Variants in CUL3 observed in about 807,000 individuals in gnomAD.
CUL3 encodes cullin 3.
In CUL3, 19 loss-of-function variants were observed where a neutral mutation model predicts 89.1. The observed-to-expected ratio is 0.21, with a 90% CI of 0.15 to 0.31. CUL3 has a LOEUF of 0.31. Ranked by LOEUF, CUL3 falls within the 10% of genes least tolerant of loss-of-function variation. The pLI is 1.00. For missense variants in CUL3, 469 were observed against 942.3 expected, an observed-to-expected ratio of 0.50 and a Z score of 6.58; for synonymous variants, 351 against 308.4, an observed-to-expected ratio of 1.14 and a Z score of -1.45.
intron 3 of CUL3, among the ~76,000 whole-genome samples, chr2:224,531,619 T>C (rs1305421454): frequency 6.6e-6 from 1 of 152,076 alleles, no homozygotes; most frequent in Non-Finnish European, 1.5e-5. Context: ...GTGATAAATG[T>C]TGCAAAGGAA....
chr2:224,492,831 C>T (rs1692035070), intron 13 of CUL3, among the ~76,000 whole-genome samples: 1 of 152,182 alleles, frequency 6.6e-6, no homozygotes, highest in South Asian at 2.1e-4. Context: ...AGTGACACTA[C>T]ATGTCTTCCA....
chr2:224,536,318 C>A (rs907510571), intron 2 of CUL3, among the ~76,000 whole-genome samples: 1 of 152,188 alleles, frequency 6.6e-6, no homozygotes, highest in East Asian at 1.9e-4. Flanking sequence ...TCACATGGCT[C>A]GTCCCACTCA....
At chr2:224,584,623 A>G (rs1695530017) in intron 1 of CUL3, among the ~76,000 whole-genome samples, 1 of 151,672 alleles carries the variant, frequency 6.6e-6, no homozygotes, top group South Asian at 2.1e-4. Context: ...CTGGGCCTAC[A>G]ACCCCGGCAA....
Position 224,503,638 on chromosome 2 carries a change from A to C in CUL3, c.1377+14T>G. 6.4e-7 allele frequency: 1 copy of C among 1,556,926 alleles called. No homozygotes were observed. The highest frequency in any genetic ancestry group is 2.0e-5 in the Admixed American group (1 of 49,366). On this transcript the variant is annotated intron_variant, in intron 9 of 15. Transcript: ENST00000264414. ...CAGTTAGGTGCACTCTATTTCATCT[A>C]AAACACACCTTACCTTTAACTTAGA...
rs1417199555 is a variant in CUL3 at position 224,559,389 on chromosome 2, T to C, written c.67-1533A>G. Among the ~76,000 whole-genome samples the C allele has an allele frequency of 7.4e-5, 11 of 149,200 alleles. No individual in the cohort carries two copies. In the East Asian group the frequency reaches 2.2e-3, roughly 30 times the overall value. ...GAATCACTTGAGCCCGGAGGCAGAG[T>C]TTGCAGGGATCCAAGATCACAACAC... On this transcript the variant is annotated intron_variant, in intron 1 of 15. Coordinates refer to ENST00000264414, the MANE Select transcript of CUL3 (RefSeq NM_003590.5).
At chr2:224,498,048 G>C (rs367716854) in intron 11 of CUL3, among the ~76,000 whole-genome samples, 199 bp from the exon 12 acceptor site, 36 of 152,192 alleles carry the variant, frequency 2.4e-4, no homozygotes, top group Non-Finnish European at 4.6e-4. Flanking sequence ...AAGTAACTCA[G>C]CTAGATATTA....
At chr2:224,551,180 C>A (rs114616519) in intron 2 of CUL3, among the ~76,000 whole-genome samples, 2,297 of 151,392 alleles carry the variant, frequency 0.015, 64 homozygotes, top group African/African-American at 0.053. Flanking sequence ...ACTGTGACTA[C>A]AGGTGTGTGC....
At chr2:224,550,573 CCTTT>C (rs1694477357) in intron 2 of CUL3, among the ~76,000 whole-genome samples, 1 of 152,146 alleles carries the variant, frequency 6.6e-6, no homozygotes, top group South Asian at 2.1e-4. Context: ...AAATGGAGCT[CCTTT>C]GTCTGCCCCA....
intron 8 of CUL3, among the ~76,000 whole-genome samples, chr2:224,504,970 T>C (rs1252519803): frequency 1.3e-5 from 2 of 152,204 alleles, no homozygotes; most frequent in African/African-American, 2.4e-5. Context: ...ACTCTATCTA[T>C]GCCTTAATAT....
At chr2:224,531,225 C>T (rs1481601194) in intron 3 of CUL3, among the ~76,000 whole-genome samples, 1 of 151,354 alleles carries the variant, frequency 6.6e-6, no homozygotes, top group Non-Finnish European at 1.5e-5. Flanking sequence ...TAGCTGGCAT[C>T]ATAGGCACGC....
rs1693365752 is a variant in CUL3 at position 224,523,918 on chromosome 2, TG to T, written c.379-9147del. On this transcript the variant is annotated intron_variant, in intron 3 of 15. Coordinates refer to ENST00000264414, the MANE Select transcript of CUL3 (RefSeq NM_003590.5). ...GGCAGAGGCTTGGTGGAGGGGAAAA[TG>T]GAAAGTTACTGTTTAGTGAGTACAG... Among the ~76,000 whole-genome samples the T allele has an allele frequency of 1.4e-4, 22 of 151,898 alleles. No homozygotes were observed. The South Asian group carries it at 4.6e-3, about 32-fold the overall frequency.
At chr2:224,490,516 C>G (rs984581416) in intron 13 of CUL3, among the ~76,000 whole-genome samples, 1 of 151,976 alleles carries the variant, frequency 6.6e-6, no homozygotes, top group Admixed American at 6.6e-5. Flanking sequence ...AGTGGTCCCC[C>G]GGGCCCAGCT....
At chr2:224,560,538 G>T (rs1044574891) in intron 1 of CUL3, 1 of 152,870 alleles carries the variant, frequency 6.5e-6, no homozygotes, top group South Asian at 2.1e-4. Context: ...CAGCTGCTCC[G>T]GCCAAAATGC....
At chr2:224,533,465 A>G (rs2106259839) in intron 3 of CUL3, among the ~76,000 whole-genome samples, 1 of 152,298 alleles carries the variant, frequency 6.6e-6, no homozygotes, top group South Asian at 2.1e-4. Context: ...GCAAAAAAAA[A>G]GAAAAAAGAA....
intron 3 of CUL3, among the ~76,000 whole-genome samples, chr2:224,516,768 G>A (rs976412993): frequency 3.3e-5 from 5 of 150,842 alleles, no homozygotes; most frequent in African/African-American, 7.3e-5. Flanking sequence ...TGCCTCAGCC[G>A]CCCAAGTAGC....
At position 224,535,641 on chromosome 2, in the gene CUL3, C is replaced by A. The variant is rs1350012050; in HGVS notation, c.265G>T (p.Val89Leu). The A allele has an allele frequency of 6.2e-7, 1 of 1,602,604 alleles. No homozygotes were observed. Among genetic ancestry groups the A allele is most frequent in the Non-Finnish European group, 8.5e-7 (1 of 1,169,782 alleles). ...AATGAATTTAGTACATCTTCTCGCA[C>A]CTAGTAACAGAAGAGTTCATTAGTT... ...EVVTEHLINK[V>L]REDVLNSLNN... Residue 89 changes from valine to leucine, a missense_variant and splice_region_variant, in exon 3 of 16, where the codon GTG (valine) becomes TTG (leucine). By Grantham distance (32) the Val-to-Leu change is conservative. Coordinates refer to ENST00000264414, the MANE Select transcript of CUL3 (RefSeq NM_003590.5).
chr2:224,582,825 C>A (rs1317440677), intron 1 of CUL3, among the ~76,000 whole-genome samples: 2 of 152,128 alleles, frequency 1.3e-5, no homozygotes, highest in African/African-American at 4.8e-5. Context: ...GACAGACCCC[C>A]AGAACAGTGC....
intron 12 of CUL3, among the ~76,000 whole-genome samples, chr2:224,497,552 T>G (rs1000939365): frequency 7.2e-5 from 11 of 152,170 alleles, no homozygotes; most frequent in African/African-American, 2.2e-4. Flanking sequence ...TATACTGGTA[T>G]AGTCTTCATA....
Position 224,478,362 on chromosome 2 carries a change from G to T in CUL3, c.2030-17C>A, listed in dbSNP as rs2106143721. On this transcript the variant is annotated splice_polypyrimidine_tract_variant and intron_variant, in intron 14 of 15. Coordinates refer to ENST00000264414, the MANE Select transcript of CUL3 (RefSeq NM_003590.5). ...TGGCAGCAACTAAAATAGAAATAAA[G>T]ACATTTATCATAAATCTAATTTTAA... is the stretch of plus-strand genomic sequence containing the variant. 6.3e-7 allele frequency: 1 copy of T among 1,597,146 alleles called. No individual in the cohort carries two copies. Among genetic ancestry groups the T allele is most frequent in the Non-Finnish European group, 8.5e-7 (1 of 1,174,008 alleles).
Sources: gnomAD v4.1 joint callset for allele counts (sites outside exome capture counted in the v4.1 genomes callset) on GRCh38, gnomAD v4.1.1 for gene constraint, MANE v1.5 for transcripts, NCBI Gene and HGNC (gene_info 2026-07-23, HGNC 2026-07-21) for gene names.